CDC42BPA: variants seen among roughly 807,000 people sequenced by gnomAD.
CDC42BPA encodes the protein serine/threonine-protein kinase MRCK alpha.
CDC42BPA carries 80 observed loss-of-function variants against 223.5 expected under a neutral mutation model. The ratio of observed to expected loss-of-function variants is 0.36; its 90% CI spans 0.30 to 0.43. The LOEUF (loss-of-function observed/expected upper bound fraction) is 0.43, where lower values mean the gene tolerates loss of function less well. Among genes scored for constraint, CDC42BPA ranks in the 20% least tolerant of loss-of-function variants. CDC42BPA has a pLI of 1.00. For synonymous variants in CDC42BPA, 694 were observed against 718.6 expected, an observed-to-expected ratio of 0.97 and a Z score of 0.55; for missense variants, 1,743 against 2,099.9, an observed-to-expected ratio of 0.83 and a Z score of 3.32.
At chr1:227,123,816 G>A (rs1049807146) in intron 11 of CDC42BPA, among the ~76,000 whole-genome samples, 9 of 152,052 alleles carry the variant, frequency 5.9e-5, no homozygotes, top group Non-Finnish European at 1.2e-4. Context: ...TATTATCAAT[G>A]CCCCTATTCA....
chr1:227,060,454 T>C (rs1163930982), intron 21 of CDC42BPA, among the ~76,000 whole-genome samples: 1 of 152,032 alleles, frequency 6.6e-6, no homozygotes. Context: ...AAACAAGACA[T>C]GGAAGTTCAC....
intron 16 of CDC42BPA, among the ~76,000 whole-genome samples, chr1:227,082,226 T>G (rs1680832345): frequency 1.4e-5 from 2 of 143,432 alleles, no homozygotes; most frequent in South Asian, 4.6e-4. Flanking sequence ...TAAATTTTTT[T>G]GTACAGATGG....
intron 2 of CDC42BPA, among the ~76,000 whole-genome samples, chr1:227,247,258 G>T (rs1681147555): frequency 6.6e-6 from 1 of 151,594 alleles, no homozygotes; most frequent in South Asian, 2.1e-4. Flanking sequence ...AGCACTTTGG[G>T]AGGCCAAGCA....
chr1:227,129,144 T>C lies in CDC42BPA; in HGVS notation c.1478A>G (p.Lys493Arg), dbSNP rs1416729189. ...ASKDLEIKNL[K>R]EEIEKLRKQV... ...TTTTCTTAGTTTTTCAATTTCTTCTTTTAAGTTTTTTATTTCTAAATCTTT... is the reference window on the plus strand; with the variant it reads ...TTTTCTTAGTTTTTCAATTTCTTCTCTTAAGTTTTTTATTTCTAAATCTTT... The change falls in exon 11 of 37, where the codon AAA becomes AGA. Residue 493 changes from lysine to arginine, a missense_variant. Physicochemically the swap from Lys to Arg is conservative, Grantham distance 26. This residue lies in a region of CDC42BPA where 464 missense variants were observed against 488.0 expected (regional missense o/e 0.95). Coordinates refer to ENST00000366766, the MANE Select transcript of CDC42BPA (RefSeq NM_001394014.1). 1 of 1,515,324 alleles carries C rather than the reference T, an allele frequency of 6.6e-7. No individual in the cohort carries two copies. Among genetic ancestry groups the C allele is most frequent in the Admixed American group, 1.7e-5 (1 of 58,396 alleles). The allele number at this position is 1,515,324 out of a possible 1,614,324, so 93.9% of individuals were successfully genotyped here. A position where few individuals can be genotyped will look rare whatever the true frequency, so the allele number is the denominator to read the frequency against.
chr1:227,051,962 A>G lies in CDC42BPA; in HGVS notation c.2928T>C (p.Tyr976=), dbSNP rs756084966. ...QFETDPVENT[Y]VWNPSVKFHI... is the part of the protein sequence containing the mutation. ...GAAACTTGACGCTCGGGTTCCATAC[A>G]TATGTGTTCTCAACGGGATCAGTCT... Residue 976 remains tyrosine, a synonymous_variant, in exon 22 of 37, where the codon TAT becomes TAC. Coordinates refer to ENST00000366766, the MANE Select transcript of CDC42BPA (RefSeq NM_001394014.1). 19 of 1,366,192 alleles carry G rather than the reference A, an allele frequency of 1.4e-5. No homozygotes were observed. Among genetic ancestry groups the G allele is most frequent in the Admixed American group, 1.9e-5 (1 of 52,536 alleles). 84.6% of individuals were successfully genotyped at this position (1,366,192 alleles called of 1,614,324 possible). A position where few individuals can be genotyped will look rare whatever the true frequency, so the allele number is the denominator to read the frequency against.
At chr1:227,163,742 A>ATATAT (rs1281173787) in intron 5 of CDC42BPA, among the ~76,000 whole-genome samples, 2 of 142,632 alleles carry the variant, frequency 1.4e-5, no homozygotes, top group African/African-American at 5.0e-5. Context: ...AAAAAAAAAA[A>ATATAT]ATATATATAT....
At chr1:227,201,670 T>TGC (rs1416147030) in intron 3 of CDC42BPA, among the ~76,000 whole-genome samples, 4 of 109,270 alleles carry the variant, frequency 3.7e-5, no homozygotes, top group Non-Finnish European at 8.2e-5. Context: ...CATGTGCACG[T>TGC]GCACACACAT....
chr1:227,204,666 A>AT (rs969886199), intron 3 of CDC42BPA, among the ~76,000 whole-genome samples: 144 of 152,190 alleles, frequency 9.5e-4, no homozygotes, highest in African/African-American at 3.3e-3. Flanking sequence ...TCATAGTAAA[A>AT]TTTTTTTAAA....
chr1:227,026,594 G>A (rs1668305081), intron 30 of CDC42BPA, among the ~76,000 whole-genome samples: 2 of 152,164 alleles, frequency 1.3e-5, no homozygotes, highest in Admixed American at 6.5e-5. Flanking sequence ...TAGGGTAGAT[G>A]CTCAATATAC....
intron 10 of CDC42BPA, among the ~76,000 whole-genome samples, chr1:227,136,466 A>G (rs1658593868): frequency 1.3e-5 from 2 of 152,236 alleles, no homozygotes; most frequent in Admixed American, 6.5e-5. Context: ...AGGCAAAATA[A>G]TATCTACAGA....
chr1:227,083,448 G>C (rs546716676), intron 16 of CDC42BPA, among the ~76,000 whole-genome samples: 2 of 152,098 alleles, frequency 1.3e-5, no homozygotes, highest in African/African-American at 2.4e-5. Context: ...CTACTTTCTT[G>C]AACAAATCAC....
chr1:227,077,433 A>C lies in CDC42BPA; in HGVS notation c.2481-3069T>G, dbSNP rs577249472. Among the ~76,000 whole-genome samples the C allele has an allele frequency of 3.2e-4, 49 of 152,316 alleles. 2 individuals are homozygous for C. In the South Asian group the frequency reaches 9.7e-3, roughly 30 times the overall value. ...GTTTCAAATATGTGAGTGGATTTAA[A>C]TAAAGAGAGACAAAGGTTTCATTAC... On this transcript the variant is annotated intron_variant, in intron 17 of 36. Coordinates refer to ENST00000366766, the MANE Select transcript of CDC42BPA (RefSeq NM_001394014.1).
intron 5 of CDC42BPA, among the ~76,000 whole-genome samples, chr1:227,162,162 G>A (rs897883524): frequency 6.6e-6 from 1 of 151,966 alleles, no homozygotes; most frequent in Non-Finnish European, 1.5e-5. Context: ...GGATTTATAT[G>A]CATCAATAAT....
At chr1:227,156,687 C>T (rs1662878046) in intron 6 of CDC42BPA, among the ~76,000 whole-genome samples, 1 of 152,136 alleles carries the variant, frequency 6.6e-6, no homozygotes, top group Non-Finnish European at 1.5e-5. Flanking sequence ...AGAAATATTA[C>T]TCATGCATTC....
intron 34 of CDC42BPA, among the ~76,000 whole-genome samples, chr1:227,007,853 G>C (rs1039440092): frequency 6.6e-6 from 1 of 152,176 alleles, no homozygotes; most frequent in African/African-American, 2.4e-5. Flanking sequence ...TTCAGCAAGA[G>C]AAAAGGCCTA....
At position 227,273,873 on chromosome 1, in the gene CDC42BPA, A is replaced by C. The variant is rs941088589; in HGVS notation, c.179-19718T>G. Among the ~76,000 whole-genome samples the C allele has an allele frequency of 8.4e-5, 12 of 142,732 alleles. No homozygotes were observed. The Admixed American group carries it at 8.5e-4, about 10-fold the overall frequency. The allele number at this position is 142,732 out of a possible 152,430, so 93.6% of individuals were successfully genotyped here. On this transcript the variant is annotated intron_variant, in intron 1 of 36. Coordinates refer to ENST00000366766, the MANE Select transcript of CDC42BPA (RefSeq NM_001394014.1). Reference sequence around the variant, plus strand: ...AGAAACAAGGAAAAAAAAAAAAAAAACACAAATAACCCAAAGCTCTTGGAA... The same window carrying C: ...AGAAACAAGGAAAAAAAAAAAAAAACCACAAATAACCCAAAGCTCTTGGAA...
chr1:227,245,281 CATCTTTTTTT>C (rs748700956), intron 2 of CDC42BPA, among the ~76,000 whole-genome samples: 1 of 126,176 alleles, frequency 7.9e-6, no homozygotes, highest in African/African-American at 3.0e-5. Flanking sequence ...CTTTGTCTTG[CATCTTTTTTT>C]TTTTTTTTTT....
chr1:227,245,282 A>ATTTTTTT (rs1558857197), intron 2 of CDC42BPA, among the ~76,000 whole-genome samples: 7 of 129,404 alleles, frequency 5.4e-5, no homozygotes, highest in East Asian at 3.1e-4. Context: ...TTTGTCTTGC[A>ATTTTTTT]TCTTTTTTTT....
chr1:227,047,480 G>C (rs867072498), intron 23 of CDC42BPA, among the ~76,000 whole-genome samples: 1 of 152,024 alleles, frequency 6.6e-6, no homozygotes, highest in Non-Finnish European at 1.5e-5. Flanking sequence ...GAATTTCTTT[G>C]TGGGAGCTTG....
Sources: gnomAD v4.1 joint callset for allele counts (sites outside exome capture counted in the v4.1 genomes callset) on GRCh38, gnomAD v4.1.1 for gene constraint, gnomAD v4.1.1 regional missense constraint, MANE v1.5 for transcripts, NCBI Gene and HGNC (gene_info 2026-07-23, HGNC 2026-07-21) for gene names.